The following AFMID variants were observed in gnomAD, a reference collection of about 807,000 sequenced individuals.
AFMID encodes arylformamidase, also known as kynurenine formamidase.
A neutral mutation model predicts 47.5 loss-of-function variants in AFMID; 39 were observed. The observed-to-expected ratio is 0.82, with a 90% CI of 0.64 to 1.07. The LOEUF is 1.07. Among genes scored for constraint, AFMID ranks in the 50% least tolerant of loss-of-function variants. AFMID has a pLI of 0.00. For synonymous variants in AFMID, 130 were observed against 153.2 expected (o/e 0.85, Z 1.12); for missense variants, 375 against 387.5 (o/e 0.97, Z 0.27).
rs148531535 is a variant in AFMID, at chr17:78,198,788, G to A, written c.155-3711G>A. On this transcript the variant is annotated intron_variant, in intron 2 of 10. Transcript: ENST00000409257. Reference sequence around the variant, plus strand: ...TGCACCAGTGGGCTCCAGCTTGGGCGACAGAGCGAGCCTCTGTCTCAAAAA... The same window carrying A: ...TGCACCAGTGGGCTCCAGCTTGGGCAACAGAGCGAGCCTCTGTCTCAAAAA... 5.9e-3 allele frequency among the ~76,000 whole-genome samples: 891 copies of A among 152,148 alleles called. 5 individuals are homozygous for A. Among genetic ancestry groups the A allele is most frequent in the Non-Finnish European group, 9.6e-3 (652 of 68,002 alleles).
At chr17:78,203,058 T>A in intron 4 of AFMID, 1 of 128,296 alleles carries the variant, frequency 7.8e-6, no homozygotes, top group Non-Finnish European at 1.5e-5. Context: ...CCTCTCTCTT[T>A]TTTTTTTTTT....
At chr17:78,190,300 C>T (rs543431815) in intron 1 of AFMID, among the ~76,000 whole-genome samples, 1 of 152,310 alleles carries the variant, frequency 6.6e-6, no homozygotes, top group South Asian at 2.1e-4. Flanking sequence ...CATTTGCAAA[C>T]TGACCTTTCA....
intron 2 of AFMID, among the ~76,000 whole-genome samples, chr17:78,200,379 C>G (rs908071441): frequency 6.6e-6 from 1 of 152,132 alleles, no homozygotes; most frequent in African/African-American, 2.4e-5. Context: ...GGTCTCAACT[C>G]CTGACCTCAA....
In AFMID at chr17:78,207,070, G is replaced by A. The variant is rs1033983548; in HGVS notation, c.*133G>A. 1.9e-5 allele frequency: 18 copies of A among 951,496 alleles called. No individual in the cohort carries two copies. The highest frequency in any genetic ancestry group is 8.2e-5 in the African/African-American group (5 of 61,138). 58.9% of individuals were successfully genotyped at this position (951,496 alleles called of 1,614,324 possible). A position where few individuals can be genotyped will look rare whatever the true frequency, so the allele number is the denominator to read the frequency against. On this transcript the variant is annotated 3_prime_UTR_variant, in exon 11 of 11. Coordinates refer to ENST00000409257, the MANE Select transcript of AFMID (RefSeq NM_001010982.5). ...AGAGCCTTGCTGTGTCTGTCTGCCC[G>A]GCAAGAGTCCATTCTCACTGCTGGG...
Position 78,205,635 on chromosome 17 carries a change from AGGT to A in AFMID, c.680_682del (p.Val227del). 2 of 1,613,762 alleles carry A rather than the reference AGGT, an allele frequency of 1.2e-6. No homozygotes were observed. Among genetic ancestry groups the A allele is most frequent in the Non-Finnish European group, 1.7e-6 (2 of 1,179,850 alleles). On this transcript the variant is annotated inframe_deletion, in exon 9 of 11. Transcript: ENST00000409257. ...GCTCAGAGGAATAGCCCCCAGCTGA[AGGT>A]GGCCCAGGCACAGCCGGTGGACCCC...
At chr17:78,190,139 T>C (rs1188170692) in intron 1 of AFMID, among the ~76,000 whole-genome samples, 1 of 151,392 alleles carries the variant, frequency 6.6e-6, no homozygotes, top group Non-Finnish European at 1.5e-5. Context: ...TGTTTTTTTT[T>C]TTCTTTTTTT....
chr17:78,197,303 G>C, intron 2 of AFMID: 1 of 1,219,786 alleles, frequency 8.2e-7, no homozygotes, highest in Non-Finnish European at 1.2e-6. Context: ...AAATGCGTCT[G>C]CCTTTTGACC....
In AFMID at chr17:78,197,142, A is replaced by T. The variant is rs559850606; in HGVS notation, c.155-5357A>T. The T allele has an allele frequency of 2.4e-5, 37 of 1,549,836 alleles. 1 individual carries two copies. In the South Asian group the frequency reaches 3.8e-4, roughly 16 times the overall value. On this transcript the variant is annotated intron_variant, in intron 2 of 10. Coordinates refer to ENST00000409257, the MANE Select transcript of AFMID (RefSeq NM_001010982.5). ...AGCACAACTTTAATCTAGTCCATTT[A>T]TAGGCTTGAGAACTCCTGTGTGAAT...
At chr17:78,188,566 C>T (rs1357595243) in intron 1 of AFMID, among the ~76,000 whole-genome samples, 3 of 151,072 alleles carry the variant, frequency 2.0e-5, no homozygotes, top group African/African-American at 7.3e-5. Flanking sequence ...ATTACAGGCA[C>T]ACTGTAGCTG....
chr17:78,203,607 A>G (rs2076304587), intron 4 of AFMID: 1 of 152,166 alleles, frequency 6.6e-6, no homozygotes, highest in East Asian at 1.9e-4. Flanking sequence ...GTCCCAGGTA[A>G]AATGGGACAG....
At chr17:78,204,936 C>T in intron 6 of AFMID, 36 bp downstream of exon 6, 1 of 1,612,942 alleles carries the variant, frequency 6.2e-7, no homozygotes, top group Non-Finnish European at 8.5e-7. Context: ...CCTGTTGGAC[C>T]TCAGTGGGTG....
intron 2 of AFMID, among the ~76,000 whole-genome samples, chr17:78,195,852 A>T (rs1056324210): frequency 6.7e-6 from 1 of 149,254 alleles, no homozygotes; most frequent in Admixed American, 6.7e-5. Context: ...TATTATTATT[A>T]TTTTTGTTTT....
chr17:78,190,044 C>G (rs1201974585), intron 1 of AFMID, among the ~76,000 whole-genome samples: 2 of 151,342 alleles, frequency 1.3e-5, no homozygotes, highest in African/African-American at 2.4e-5. Context: ...GTTGGTCAGG[C>G]TGATCTTGAA....
At chr17:78,202,629 C>T (rs758217900) in intron 3 of AFMID, 26 bp downstream of exon 3, 63 of 1,598,056 alleles carry the variant, frequency 3.9e-5, no homozygotes, top group East Asian at 6.8e-5. Flanking sequence ...GCTGGGGGTC[C>T]CGGGGCTTGG....
Position 78,204,809 on chromosome 17 carries a change from G to C in AFMID, c.395-19G>C. 3 of 1,614,236 alleles carry C rather than the reference G, an allele frequency of 1.9e-6. No homozygotes were observed. Among genetic ancestry groups the C allele is most frequent in the Non-Finnish European group, 2.5e-6 (3 of 1,180,040 alleles). The stretch of plus-strand genomic sequence containing the variant: ...TAGGAGGAAGTGCATCCCTGACCCA[G>C]CTCATGCTCTCTGTGCAGGCACCCT... On this transcript the variant is annotated intron_variant, in intron 5 of 10. Coordinates refer to ENST00000409257, the MANE Select transcript of AFMID (RefSeq NM_001010982.5).
At position 78,187,393 on chromosome 17, in the gene AFMID, G is replaced by C; in HGVS notation, c.23G>C (p.Gly8Ala). The C allele has an allele frequency of 1.2e-6, 2 of 1,613,984 alleles. No individual in the cohort carries two copies. Among genetic ancestry groups the C allele is most frequent in the Non-Finnish European group, 1.7e-6 (2 of 1,179,982 alleles). ...GCCATGATGGATGTGTCTGGTGTGGGTTTCCCAAGCAAGGTTCCTTGGAAG... is the reference window on the plus strand; with the variant it reads ...GCCATGATGGATGTGTCTGGTGTGGCTTTCCCAAGCAAGGTTCCTTGGAAG... The part of the protein sequence containing the change: MMDVSGV[G>A]FPSKVPWKKM... The change falls in exon 1 of 11, where the codon GGT becomes GCT. Residue 8 changes from glycine to alanine, a missense_variant. Coordinates refer to ENST00000409257, the MANE Select transcript of AFMID (RefSeq NM_001010982.5).
At chr17:78,188,678 C>A (rs919507464) in intron 1 of AFMID, among the ~76,000 whole-genome samples, 1 of 152,110 alleles carries the variant, frequency 6.6e-6, no homozygotes, top group African/African-American at 2.4e-5. Context: ...CTCACTGCAA[C>A]CTCTTCTTCC....
intron 4 of AFMID, among the ~76,000 whole-genome samples, chr17:78,204,321 A>T (rs973286723): frequency 6.6e-6 from 1 of 151,930 alleles, no homozygotes; most frequent in Non-Finnish European, 1.5e-5. Context: ...GTGCACACCT[A>T]TACTCCTGCT....
At chr17:78,191,186 A>G (rs985846346) in intron 2 of AFMID, 126 bp downstream of exon 2, 26 of 793,776 alleles carry the variant, frequency 3.3e-5, no homozygotes, top group Admixed American at 6.7e-5. Context: ...CCCAAACACC[A>G]GGCACTTTAT....
Sources: allele counts gnomAD v4.1 joint callset (sites outside exome capture counted in the v4.1 genomes callset), GRCh38; gene constraint gnomAD v4.1.1; transcripts MANE v1.5; gene names NCBI Gene and HGNC (gene_info 2026-07-23, HGNC 2026-07-21).